Variants in CELF4 observed in about 807,000 individuals in gnomAD.
The protein encoded by CELF4 is CUGBP Elav-like family member 4, also known as CUG-BP- and ETR-3-like factor 4.
Under a neutral mutation model 59.9 loss-of-function variants are expected in CELF4, and 18 were observed. The ratio of observed to expected loss-of-function variants is 0.30; its 90% CI spans 0.21 to 0.45. CELF4 has a LOEUF of 0.45. CELF4 is among the 20% of genes least tolerant of loss of function. The pLI is 1.00. For missense variants in CELF4, 456 were observed against 689.0 expected, an observed-to-expected ratio of 0.66 and a Z score of 3.79; for synonymous variants, 261 against 267.1, an observed-to-expected ratio of 0.98 and a Z score of 0.22.
At chr18:37,529,300 G>A (rs1328962297) in intron 1 of CELF4, 1 of 152,308 alleles carries the variant, frequency 6.6e-6, no homozygotes, top group East Asian at 1.9e-4. Context: ...GGGCCTGAGA[G>A]GTGAGAGGTG....
rs1486651298 is a variant in CELF4, at chr18:37,246,634, C to T, written c.*45-1437G>A. On this transcript the variant is annotated intron_variant, in intron 12 of 12. Coordinates refer to ENST00000420428, the MANE Select transcript of CELF4 (RefSeq NM_020180.4). The surrounding 1 kb of genome is among the most constrained non-coding windows in gnomAD (Gnocchi z 5.3). ...TGAAGTGAGATTGAAAATAGCCTAA[C>T]TGGAAAAAGACCAGACCTAGGAAAG... 6.6e-6 allele frequency among the ~76,000 whole-genome samples: 1 copy of T among 151,686 alleles called. No homozygotes were observed. The highest frequency in any genetic ancestry group is 1.5e-5 in the Non-Finnish European group (1 of 67,972).
At chr18:37,362,491 G>A (rs970625121) in intron 2 of CELF4, among the ~76,000 whole-genome samples, 9 of 152,138 alleles carry the variant, frequency 5.9e-5, no homozygotes, top group Non-Finnish European at 2.9e-5. Context: ...CGAGGACAGG[G>A]TTGGGGGGCT....
intron 2 of CELF4, among the ~76,000 whole-genome samples, chr18:37,379,192 A>G (rs190900410): frequency 6.6e-6 from 1 of 152,260 alleles, no homozygotes; most frequent in East Asian, 1.9e-4. Context: ...TGAAACACTT[A>G]GTTGAATGGA....
intron 2 of CELF4, among the ~76,000 whole-genome samples, chr18:37,329,976 A>C (rs909941377): frequency 3.9e-5 from 6 of 152,178 alleles, no homozygotes; most frequent in Non-Finnish European, 7.3e-5. Context: ...AGGTCTGTGC[A>C]TTAGTGCTAT....
At chr18:37,304,332 G>A (rs2096262966) in intron 3 of CELF4, among the ~76,000 whole-genome samples, 1 of 152,178 alleles carries the variant, frequency 6.6e-6, no homozygotes, top group African/African-American at 2.4e-5. Flanking sequence ...CTATGGGTGA[G>A]ACACTGACCA....
chr18:37,478,963 A>G (rs1368255664), intron 2 of CELF4, among the ~76,000 whole-genome samples: 1 of 152,198 alleles, frequency 6.6e-6, no homozygotes, highest in East Asian at 1.9e-4. Context: ...GAAATGCCCC[A>G]CATGAGTGGG....
At chr18:37,262,033 TCC>T (rs1478988062) in intron 10 of CELF4, among the ~76,000 whole-genome samples, 2 of 152,168 alleles carry the variant, frequency 1.3e-5, no homozygotes, top group Non-Finnish European at 2.9e-5. Context: ...CGCCTGTCTC[TCC>T]CTGGCCCCAT....
chr18:37,478,109 C>A (rs1263239117), intron 2 of CELF4, among the ~76,000 whole-genome samples: 2 of 152,146 alleles, frequency 1.3e-5, no homozygotes, highest in Admixed American at 1.3e-4. Context: ...TTGCTCTCCC[C>A]CTCTCCTCTC....
chr18:37,328,427 G>A (rs529019833), intron 2 of CELF4, among the ~76,000 whole-genome samples: 10 of 152,336 alleles, frequency 6.6e-5, no homozygotes, highest in Non-Finnish European at 1.5e-4. Context: ...TCAAACCTCA[G>A]AGCTGAGGGT....
chr18:37,351,881 G>T (rs2154554421), intron 2 of CELF4, among the ~76,000 whole-genome samples: 1 of 152,228 alleles, frequency 6.6e-6, no homozygotes, highest in South Asian at 2.1e-4. Context: ...CTCCCAAAGT[G>T]CTGGGATTAC....
chr18:37,419,512 C>T (rs964210526), intron 2 of CELF4, among the ~76,000 whole-genome samples: 4 of 152,044 alleles, frequency 2.6e-5, no homozygotes, highest in Non-Finnish European at 4.4e-5. Context: ...GAACTGGCAT[C>T]GGACCAGGAA....
At chr18:37,378,906 A>G (rs2099003599) in intron 2 of CELF4, among the ~76,000 whole-genome samples, 1 of 152,176 alleles carries the variant, frequency 6.6e-6, no homozygotes, top group Admixed American at 6.5e-5. Context: ...ATCCCTGAGC[A>G]TCTAATTTCA....
At chr18:37,323,609 C>T (rs193189445) in intron 2 of CELF4, among the ~76,000 whole-genome samples, 1 of 152,160 alleles carries the variant, frequency 6.6e-6, no homozygotes, top group African/African-American at 2.4e-5. Flanking sequence ...TCCTAGGCTG[C>T]CATGTCCTCC....
intron 1 of CELF4, among the ~76,000 whole-genome samples, chr18:37,514,438 C>T (rs888317607): frequency 6.6e-6 from 1 of 152,194 alleles, no homozygotes; most frequent in Non-Finnish European, 1.5e-5. Context: ...TTATTGCATG[C>T]ATGGCTCTGT....
chr18:37,459,741 CAG>C (rs1441352304), intron 2 of CELF4, among the ~76,000 whole-genome samples: 2 of 152,176 alleles, frequency 1.3e-5, no homozygotes, highest in Non-Finnish European at 2.9e-5. Flanking sequence ...TGCTCACACT[CAG>C]TGGGGAGCGG....
At chr18:37,509,277 T>C (rs1039618212) in intron 1 of CELF4, among the ~76,000 whole-genome samples, 1 of 152,222 alleles carries the variant, frequency 6.6e-6, no homozygotes, top group Non-Finnish European at 1.5e-5. Context: ...AAATTTATAA[T>C]ATGTAGGTAT....
At chr18:37,315,889 A>G (rs1213336157) in intron 3 of CELF4, among the ~76,000 whole-genome samples, 1 of 152,176 alleles carries the variant, frequency 6.6e-6, no homozygotes, top group Non-Finnish European at 1.5e-5. Flanking sequence ...GAGCTTTCCA[A>G]GCAAGCTGGC....
At chr18:37,268,738 A>G (rs1267516073) in intron 8 of CELF4, among the ~76,000 whole-genome samples, 1 of 152,178 alleles carries the variant, frequency 6.6e-6, no homozygotes, top group Admixed American at 6.5e-5. Context: ...CATTTATGAG[A>G]CCCTTCTCTA....
intron 10 of CELF4, among the ~76,000 whole-genome samples, chr18:37,263,914 C>A (rs1421472573): frequency 1.3e-5 from 2 of 152,116 alleles, no homozygotes; most frequent in Non-Finnish European, 2.9e-5. Context: ...TTCCCCTCAG[C>A]CATGAGCACT....
Sources: allele counts gnomAD v4.1 joint callset (sites outside exome capture counted in the v4.1 genomes callset), GRCh38; gene constraint gnomAD v4.1.1; non-coding constraint Gnocchi (gnomAD v3.1); transcripts MANE v1.5; gene names NCBI Gene and HGNC (gene_info 2026-07-23, HGNC 2026-07-21).